NEK11: variants seen among roughly 807,000 people sequenced by gnomAD.
The protein encoded by NEK11 is NIMA related kinase 11.
A neutral mutation model predicts 80.7 loss-of-function variants in NEK11; 72 were observed. That is an observed-to-expected ratio of 0.89 (90% CI 0.74 to 1.08). The LOEUF (loss-of-function observed/expected upper bound fraction) is 1.08. NEK11 is among the 50% of genes least tolerant of loss of function. The pLI, the probability that NEK11 is intolerant of heterozygous loss-of-function variation, is 0.00. For synonymous variants in NEK11, 251 were observed against 260.7 expected (o/e 0.96, Z 0.36); for missense variants, 764 against 763.6 (o/e 1.00, Z -0.01).
intron 17 of NEK11, among the ~76,000 whole-genome samples, chr3:131,276,333 G>A (rs1185089206): frequency 6.6e-6 from 1 of 152,210 alleles, no homozygotes; most frequent in Non-Finnish European, 1.5e-5. Context: ...GAAGCAGACT[G>A]GTCAGGGAGA....
At chr3:131,224,853 A>G (rs1173836511) in intron 14 of NEK11, among the ~76,000 whole-genome samples, 1 of 152,246 alleles carries the variant, frequency 6.6e-6, no homozygotes, top group Non-Finnish European at 1.5e-5. Flanking sequence ...GTTAGGAGAG[A>G]TATGAAAAAA....
At position 131,131,054 on chromosome 3, in the gene NEK11, G is replaced by A. The variant is rs144335127; in HGVS notation, c.456-1691G>A. 3.1e-3 allele frequency among the ~76,000 whole-genome samples: 468 copies of A among 152,252 alleles called. 3 individuals are homozygous for A. Among genetic ancestry groups the A allele is most frequent in the African/African-American group, 7.1e-3 (297 of 41,544 alleles). ...TGACCCCAGGTGATCCACCCACCTCGGCTTCCCAAAGTGCTTGGACCACAG... is the reference window on the plus strand; with the variant it reads ...TGACCCCAGGTGATCCACCCACCTCAGCTTCCCAAAGTGCTTGGACCACAG... On this transcript the variant is annotated intron_variant, in intron 5 of 17. Transcript: ENST00000383366.
chr3:131,234,519 A>G (rs1218264349), intron 15 of NEK11, among the ~76,000 whole-genome samples: 1 of 152,160 alleles, frequency 6.6e-6, no homozygotes, highest in Non-Finnish European at 1.5e-5. Context: ...GCCTTGCTAC[A>G]GTGTTAGTGG....
chr3:131,228,635 G>A lies in NEK11; in HGVS notation c.1507G>A (p.Glu503Lys). The A allele has an allele frequency of 6.2e-7, 1 of 1,613,724 alleles. No individual in the cohort carries two copies. Among genetic ancestry groups the A allele is most frequent in the Non-Finnish European group, 8.5e-7 (1 of 1,179,726 alleles). Residue 503 changes from glutamate (E) to lysine (K), a missense_variant, in exon 15 of 18, where the codon GAG becomes AAG. Glu to Lys is a moderately conservative substitution (Grantham distance 56). Coordinates refer to ENST00000383366, the MANE Select transcript of NEK11 (RefSeq NM_024800.5). Reference protein sequence around the residue: ...EEEEIALERPEKEIRNEGSQP... With the variant: ...EEEEIALERPKKEIRNEGSQP... ...AGAAGAAATAGCGTTAGAAAGACCA[G>A]AGAAAGAAATCAGGAATGAGGGATC... is the stretch of plus-strand genomic sequence containing the variant.
intron 5 of NEK11, among the ~76,000 whole-genome samples, chr3:131,131,671 T>C (rs2084506563): frequency 6.6e-6 from 1 of 152,248 alleles, no homozygotes; most frequent in East Asian, 1.9e-4. Flanking sequence ...GAACCAGTTT[T>C]ATTTTTGTTG....
intron 3 of NEK11, among the ~76,000 whole-genome samples, chr3:131,033,262 A>G (rs779652764): frequency 4.6e-5 from 7 of 152,108 alleles, no homozygotes; most frequent in African/African-American, 7.2e-5. Context: ...TTGTCCAAGC[A>G]ATTTGACTAG....
chr3:131,300,797 T>C (rs934525999), intron 17 of NEK11, among the ~76,000 whole-genome samples: 1 of 152,218 alleles, frequency 6.6e-6, no homozygotes, highest in African/African-American at 2.4e-5. Flanking sequence ...TGATATAGTT[T>C]GAAGTCAGGT....
At position 131,172,940 on chromosome 3, in the gene NEK11, G is replaced by A. The variant is rs142893943; in HGVS notation, c.1399+2053G>A. Among the ~76,000 whole-genome samples the A allele has an allele frequency of 1.4e-4, 21 of 152,306 alleles. No individual in the cohort carries two copies. In the East Asian group the frequency reaches 3.9e-3, roughly 28 times the overall value. On this transcript the variant is annotated intron_variant, in intron 14 of 17. Transcript: ENST00000383366. ...TTGCTCATTATATGTAAATTATAAT[G>A]CATTAGCATGCTAAAAGACACTCCC...
At chr3:131,222,389 A>C (rs566186300) in intron 14 of NEK11, among the ~76,000 whole-genome samples, 1 of 152,306 alleles carries the variant, frequency 6.6e-6, no homozygotes, top group East Asian at 1.9e-4. Context: ...TATCAAATGT[A>C]TATCAGCATG....
intron 17 of NEK11, among the ~76,000 whole-genome samples, chr3:131,337,086 A>C (rs1377459291): frequency 1.3e-5 from 2 of 150,294 alleles, no homozygotes; most frequent in South Asian, 2.1e-4. Context: ...AACTAGAAAT[A>C]CCATTTGACC....
intron 3 of NEK11, among the ~76,000 whole-genome samples, chr3:131,040,523 G>GTACCA (rs1338437028): frequency 6.6e-6 from 1 of 152,132 alleles, no homozygotes; most frequent in Non-Finnish European, 1.5e-5. Flanking sequence ...CAAAAACCCT[G>GTACCA]TACCATGATA....
At chr3:131,229,779 T>A (rs1317020213) in intron 15 of NEK11, among the ~76,000 whole-genome samples, 1 of 151,000 alleles carries the variant, frequency 6.6e-6, no homozygotes, top group Non-Finnish European at 1.5e-5. Flanking sequence ...AGGGATGAGA[T>A]AAAGAGGAGA....
chr3:131,148,097 A>G (rs2088765401), intron 7 of NEK11, among the ~76,000 whole-genome samples: 1 of 151,826 alleles, frequency 6.6e-6, no homozygotes, highest in Admixed American at 6.6e-5. Flanking sequence ...AATTTTATAG[A>G]ATGCTTTTTT....
chr3:131,187,729 G>T (rs971854982), intron 14 of NEK11, among the ~76,000 whole-genome samples: 1 of 152,130 alleles, frequency 6.6e-6, no homozygotes, highest in Non-Finnish European at 1.5e-5. Flanking sequence ...TACTTCCAGA[G>T]CATATTAGGA....
intron 10 of NEK11, among the ~76,000 whole-genome samples, chr3:131,158,265 G>A (rs1310684129): frequency 6.6e-6 from 1 of 152,124 alleles, no homozygotes; most frequent in East Asian, 1.9e-4. Flanking sequence ...CCTAACTGCA[G>A]CTTCCTCAGG....
intron 17 of NEK11, among the ~76,000 whole-genome samples, chr3:131,348,279 A>AT (rs2097396617): frequency 1.3e-5 from 2 of 152,282 alleles, no homozygotes; most frequent in South Asian, 4.1e-4. Flanking sequence ...AAAAAAGCTC[A>AT]TTGTTTGGTG....
rs150544780 is a variant in NEK11 at position 131,050,532 on chromosome 3, T to A, written c.170+20654T>A. On this transcript the variant is annotated intron_variant, in intron 3 of 17. Coordinates refer to ENST00000383366, the MANE Select transcript of NEK11 (RefSeq NM_024800.5). ...GGTTTATTAAATCATTCTTAGGAGG[T>A]AGACAAGGACATAAAACTTACACCT... Among the ~76,000 whole-genome samples, 356 of 152,260 alleles carry A rather than the reference T, an allele frequency of 2.3e-3. 1 individual carries two copies. The highest frequency in any genetic ancestry group is 8.1e-3 in the African/African-American group (335 of 41,546).
intron 17 of NEK11, among the ~76,000 whole-genome samples, chr3:131,296,283 T>C (rs2096592417): frequency 6.6e-6 from 1 of 152,186 alleles, no homozygotes; most frequent in African/African-American, 2.4e-5. Context: ...AGAAAATATA[T>C]GTACACACAC....
At chr3:131,174,812 A>G (rs1266125543) in intron 14 of NEK11, 2 of 1,609,550 alleles carry the variant, frequency 1.2e-6, no homozygotes, top group Non-Finnish European at 1.7e-6. Flanking sequence ...CAAAGCTGGA[A>G]TAGCCTGAGA....
Sources: gnomAD v4.1 joint callset for allele counts (sites outside exome capture counted in the v4.1 genomes callset) on GRCh38, gnomAD v4.1.1 for gene constraint, MANE v1.5 for transcripts, NCBI Gene and HGNC (gene_info 2026-07-23, HGNC 2026-07-21) for gene names.